The following MAP3K10 variants were observed in gnomAD, a reference collection of about 807,000 sequenced individuals.
The protein encoded by MAP3K10 is MKN28 derived nonreceptor_type serine/threonine kinase.
Under a neutral mutation model 75.0 loss-of-function variants are expected in MAP3K10, and 22 were observed. That is an observed-to-expected ratio of 0.29 (90% CI 0.21 to 0.42). The LOEUF is 0.42. Ranked by LOEUF, MAP3K10 falls within the 10% of genes least tolerant of loss-of-function variation. The pLI is 1.00. For missense variants in MAP3K10, 1,165 were observed against 1,379.8 expected, an observed-to-expected ratio of 0.84 and a Z score of 2.47; for synonymous variants, 599 against 612.9, an observed-to-expected ratio of 0.98 and a Z score of 0.34.
At position 40,215,291 on chromosome 19, in the gene MAP3K10, A is replaced by G; in HGVS notation, c.2864A>G (p.Ter955=). The G allele has an allele frequency of 1.3e-6, 2 of 1,539,384 alleles. No homozygotes were observed. The highest frequency in any genetic ancestry group is 1.8e-6 in the Non-Finnish European group (2 of 1,139,552). The change falls in exon 10 of 10, where the codon TAA becomes TGA. Residue 955 remains the stop codon, a stop_retained_variant. Coordinates refer to ENST00000253055, the MANE Select transcript of MAP3K10 (RefSeq NM_002446.4). ...CTGTGCGGGGCCCACGGCTCCCACTAAGGCCTGCCCACCACCGCCCGCCTG... is the reference window on the plus strand; with the variant it reads ...CTGTGCGGGGCCCACGGCTCCCACTGAGGCCTGCCCACCACCGCCCGCCTG... The part of the protein sequence containing the change: ...VPLCGAHGSH[*]
chr19:40,192,023 C>A lies in MAP3K10; in HGVS notation c.-9C>A. On this transcript the variant is annotated 5_prime_UTR_variant, in exon 1 of 10. Coordinates refer to ENST00000253055, the MANE Select transcript of MAP3K10 (RefSeq NM_002446.4). This position sits in a 1 kb window ranked among gnomAD's most constrained non-coding sequence, Gnocchi z 7.1. ...GAAGCGGCCTCCCGCAGCCCCCGGC[C>A]CCTCCCCCATGGAGGAGGAGGAGGG... The A allele has an allele frequency of 7.1e-7, 1 of 1,410,248 alleles. No homozygotes were observed. Among genetic ancestry groups the A allele is most frequent in the Non-Finnish European group, 9.2e-7 (1 of 1,085,250 alleles). The allele number at this position is 1,410,248 out of a possible 1,614,324, so 87.4% of individuals were successfully genotyped here.
At chr19:40,214,246 G>A in intron 9 of MAP3K10, 25 bp downstream of exon 9, 1 of 1,370,960 alleles carries the variant, frequency 7.3e-7, no homozygotes, top group Non-Finnish European at 9.4e-7. Context: ...CTGCACCCAG[G>A]TCACAGAAAA....
In MAP3K10 at chr19:40,214,001, C is replaced by CG; in HGVS notation, c.2322_2323insG (p.Ser775ValfsTer77). 1 of 1,516,624 alleles carries CG rather than the reference C, an allele frequency of 6.6e-7. No individual in the cohort carries two copies. The highest frequency in any genetic ancestry group is 8.8e-7 in the Non-Finnish European group (1 of 1,138,356). 93.9% of individuals were successfully genotyped at this position (1,516,624 alleles called of 1,614,324 possible). On this transcript the variant is annotated frameshift_variant, in exon 9 of 10. Transcript: ENST00000253055. LOFTEE classifies it high-confidence loss of function. ...GTGACGAGGCCGCACCGGCCGCGCC[C>CG]TCCCCACCACCCTCCCCGCCCGCGC...
rs541379910 is a variant in MAP3K10, at chr19:40,197,257, G to A, written c.683-1118G>A. Among the ~76,000 whole-genome samples the A allele has an allele frequency of 6.6e-5, 10 of 152,274 alleles. No individual in the cohort carries two copies. The South Asian group carries it at 2.1e-3, about 32-fold the overall frequency. On this transcript the variant is annotated intron_variant, in intron 1 of 9. Coordinates refer to ENST00000253055, the MANE Select transcript of MAP3K10 (RefSeq NM_002446.4). ...GGCCTGGGCTTGGAATTGGCACCCTGTCATTCTTAGCCAAAGCAAGTCATA... is the reference window on the plus strand; with the variant it reads ...GGCCTGGGCTTGGAATTGGCACCCTATCATTCTTAGCCAAAGCAAGTCATA...
At chr19:40,211,322 T>C (rs1339614509) in intron 6 of MAP3K10, among the ~76,000 whole-genome samples, 2 of 151,540 alleles carry the variant, frequency 1.3e-5, no homozygotes, top group Non-Finnish European at 1.5e-5. Flanking sequence ...CCTTTCTTTT[T>C]TTTTTTTTTT....
chr19:40,194,462 G>A (rs1273744539), intron 1 of MAP3K10, among the ~76,000 whole-genome samples: 3 of 152,172 alleles, frequency 2.0e-5, no homozygotes, highest in Non-Finnish European at 4.4e-5. Flanking sequence ...GTAAATGGAG[G>A]CAGGGCCACC....
In MAP3K10 at chr19:40,205,628, A is replaced by AG; in HGVS notation, c.1189-277dup. On this transcript the variant is annotated intron_variant, in intron 4 of 9. Transcript: ENST00000253055. The surrounding 1 kb of genome is among the most constrained non-coding windows in gnomAD (Gnocchi z 4.3). ...ATTGTTGAAATTGGATGATGGGTAC[A>AG]GGGGGGTGCACTGTTCTCTGCTTTT... 5.5e-6 allele frequency: 3 copies of AG among 544,500 alleles called. No homozygotes were observed. The highest frequency in any genetic ancestry group is 9.7e-6 in the Non-Finnish European group (3 of 308,568). The allele number at this position is 544,500 out of a possible 1,614,324, so 33.7% of individuals were successfully genotyped here. A position where few individuals can be genotyped will look rare whatever the true frequency, so the allele number is the denominator to read the frequency against.
At chr19:40,201,012 T>C (rs910608756) in intron 2 of MAP3K10, among the ~76,000 whole-genome samples, 1 of 152,090 alleles carries the variant, frequency 6.6e-6, no homozygotes, top group African/African-American at 2.4e-5. Context: ...TCAGTCATTA[T>C]TACAATCACA....
chr19:40,198,382 C>T lies in MAP3K10; in HGVS notation c.690C>T (p.Ile230=), dbSNP rs774246517. ...TTTCTTCCCACCCCACAGTCCTGAT[C>T]CTGGAGGCCATCGAGAACCACAACC... The part of the protein sequence containing the change: ...HRDLKSINIL[I]LEAIENHNLA... The change falls in exon 2 of 10, where the codon ATC becomes ATT. Residue 230 remains isoleucine, a synonymous_variant. Coordinates refer to ENST00000253055, the MANE Select transcript of MAP3K10 (RefSeq NM_002446.4). This position sits in a 1 kb window ranked among gnomAD's most constrained non-coding sequence, Gnocchi z 4.3. 3.7e-6 allele frequency: 6 copies of T among 1,612,564 alleles called. No individual in the cohort carries two copies. The South Asian group carries it at 4.4e-5, about 12-fold the overall frequency.
intron 6 of MAP3K10, among the ~76,000 whole-genome samples, chr19:40,211,511 C>A (rs528692693): frequency 6.6e-6 from 1 of 151,808 alleles, no homozygotes; most frequent in African/African-American, 2.4e-5. Context: ...GCTATTTTTC[C>A]TAATATTCTC....
Position 40,205,333 on chromosome 19 carries a change from G to A in MAP3K10, c.1188+37G>A, listed in dbSNP as rs770274695. 1 of 1,609,738 alleles carries A rather than the reference G, an allele frequency of 6.2e-7. No individual in the cohort carries two copies. Among genetic ancestry groups the A allele is most frequent in the Admixed American group, 1.7e-5 (1 of 59,846 alleles). ...GGGCAAGGTGGGAAAGATGGAGCAA[G>A]ACCCCTGAGTTCTGATGCCTTGGGC... On this transcript the variant is annotated intron_variant, in intron 4 of 9. Coordinates refer to ENST00000253055, the MANE Select transcript of MAP3K10 (RefSeq NM_002446.4). The surrounding 1 kb of genome is among the most constrained non-coding windows in gnomAD (Gnocchi z 4.3).
chr19:40,215,196 GC>G lies in MAP3K10; in HGVS notation c.2775del (p.Ser926AlafsTer78). On this transcript the variant is annotated frameshift_variant, in exon 10 of 10. Transcript: ENST00000253055. LOFTEE classifies it high-confidence loss of function. Reference sequence around the variant, plus strand: ...GGCCAGACACTCCGGAGAGCCCTGGGCCCCCCAGCGTGCAGCCCACACTGCT... The same window carrying G: ...GGCCAGACACTCCGGAGAGCCCTGGGCCCCCAGCGTGCAGCCCACACTGCT... Reference protein sequence around the residue: ...SRPDTPESPGPPSVQPTLLDM... With the variant: ...SRPDTPESPGXPSVQPTLLDM... 1 of 1,585,708 alleles carries G rather than the reference GC, an allele frequency of 6.3e-7. No homozygotes were observed. Among genetic ancestry groups the G allele is most frequent in the Non-Finnish European group, 8.6e-7 (1 of 1,167,018 alleles).
At chr19:40,201,024 T>G (rs1973008215) in intron 2 of MAP3K10, among the ~76,000 whole-genome samples, 1 of 152,140 alleles carries the variant, frequency 6.6e-6, no homozygotes, top group Admixed American at 6.5e-5. Context: ...ACAATCACAG[T>G]AACCCCATAG....
intron 5 of MAP3K10, among the ~76,000 whole-genome samples, chr19:40,207,578 C>T (rs1010037159): frequency 6.6e-6 from 1 of 151,866 alleles, no homozygotes; most frequent in African/African-American, 2.4e-5. Flanking sequence ...TCTACTAAAA[C>T]TACAAAATTA....
chr19:40,213,144 A>G lies in MAP3K10; in HGVS notation c.1793A>G (p.Lys598Arg), dbSNP rs769051793. ...GCCCCCAACCTGGGCAAGTCCCCCA[A>G]ACACACACCCATCGCCCCTGGCTTT... The part of the protein sequence containing the change: ...SSAPNLGKSP[K>R]HTPIAPGFAS... Residue 598 changes from lysine (K) to arginine (R), a missense_variant, in exon 8 of 10, where the codon AAA (lysine) becomes AGA (arginine). Physicochemically the swap from Lys to Arg is conservative, Grantham distance 26. This residue lies in a region of MAP3K10 where 590 missense variants were observed against 586.6 expected (regional missense o/e 1.01). Transcript: ENST00000253055. The surrounding 1 kb of genome is among the most constrained non-coding windows in gnomAD (Gnocchi z 5.7). 3 of 1,600,896 alleles carry G rather than the reference A, an allele frequency of 1.9e-6. No individual in the cohort carries two copies. The highest frequency in any genetic ancestry group is 1.3e-5 in the African/African-American group (1 of 74,862).
At position 40,212,806 on chromosome 19, in the gene MAP3K10, G is replaced by T. The variant is rs371610120; in HGVS notation, c.1554G>T (p.Leu518=). 6 of 1,586,530 alleles carry T rather than the reference G, an allele frequency of 3.8e-6. No individual in the cohort carries two copies. Among genetic ancestry groups the T allele is most frequent in the Non-Finnish European group, 5.1e-6 (6 of 1,167,654 alleles). The change falls in exon 7 of 10, where the codon CTG becomes CTT. Residue 518 remains leucine (L), a splice_region_variant and synonymous_variant. Coordinates refer to ENST00000253055, the MANE Select transcript of MAP3K10 (RefSeq NM_002446.4). The surrounding 1 kb of genome is among the most constrained non-coding windows in gnomAD (Gnocchi z 4.2). ...ACCAAGTGGCTTCTCTGGACCCAGTGACTCCCGTGGACTGTGGTGGCAGCA... is the reference window on the plus strand; with the variant it reads ...ACCAAGTGGCTTCTCTGGACCCAGTTACTCCCGTGGACTGTGGTGGCAGCA... ...SIIPRLRAIR[L]TPVDCGGSSS... is the part of the protein sequence containing the mutation.
chr19:40,213,488 A>C lies in MAP3K10; in HGVS notation c.1838-29A>C, dbSNP rs1309352191. ...CCCGTGGGGCCCTGGCCAGCCCTGC[A>C]GCGGAGTGATGGCCCTCTCCGGTTG... On this transcript the variant is annotated intron_variant, in intron 8 of 9. Transcript: ENST00000253055. This position sits in a 1 kb window ranked among gnomAD's most constrained non-coding sequence, Gnocchi z 5.7. 4 of 1,607,674 alleles carry C rather than the reference A, an allele frequency of 2.5e-6. No homozygotes were observed. The highest frequency in any genetic ancestry group is 3.4e-6 in the Non-Finnish European group (4 of 1,178,690).
rs561873344 is a variant in MAP3K10 at position 40,198,177 on chromosome 19, C to T, written c.683-198C>T. 2.7e-4 allele frequency among the ~76,000 whole-genome samples: 41 copies of T among 152,282 alleles called. No homozygotes were observed. The South Asian group carries it at 3.7e-3, about 14-fold the overall frequency. Reference sequence around the variant, plus strand: ...ACACAGGAGGAGCTCCCTACTCCCTCATGGGAGCCTGGGACAGGGATTAGA... The same window carrying T: ...ACACAGGAGGAGCTCCCTACTCCCTTATGGGAGCCTGGGACAGGGATTAGA... On this transcript the variant is annotated intron_variant, in intron 1 of 9. Transcript: ENST00000253055. This position sits in a 1 kb window ranked among gnomAD's most constrained non-coding sequence, Gnocchi z 4.3.
chr19:40,205,621 T>C lies in MAP3K10; in HGVS notation c.1189-290T>C, dbSNP rs182981384. 854 of 535,580 alleles carry C rather than the reference T, an allele frequency of 1.6e-3. 2 individuals carry two copies. The highest frequency in any genetic ancestry group is 2.2e-3 in the Non-Finnish European group (672 of 302,822). 33.2% of individuals were successfully genotyped at this position (535,580 alleles called of 1,614,324 possible). Reference sequence around the variant, plus strand: ...ATAGGTAATTGTTGAAATTGGATGATGGGTACAGGGGGGTGCACTGTTCTC... The same window carrying C: ...ATAGGTAATTGTTGAAATTGGATGACGGGTACAGGGGGGTGCACTGTTCTC... On this transcript the variant is annotated intron_variant, in intron 4 of 9. Coordinates refer to ENST00000253055, the MANE Select transcript of MAP3K10 (RefSeq NM_002446.4). The surrounding 1 kb of genome is among the most constrained non-coding windows in gnomAD (Gnocchi z 4.3).
Sources: allele counts gnomAD v4.1 joint callset (sites outside exome capture counted in the v4.1 genomes callset), GRCh38; gene constraint gnomAD v4.1.1; regional missense constraint gnomAD v4.1.1; non-coding constraint Gnocchi (gnomAD v3.1); transcripts MANE v1.5; gene names NCBI Gene and HGNC (gene_info 2026-07-23, HGNC 2026-07-21).